EMC7: variants seen among roughly 807,000 people sequenced by gnomAD.
The protein encoded by EMC7 is endoplasmic reticulum membrane protein complex subunit 7.
In EMC7, 4 loss-of-function variants were observed where a neutral mutation model predicts 24.4. That is an observed-to-expected ratio of 0.16 (90% CI 0.08 to 0.38). The LOEUF (loss-of-function observed/expected upper bound fraction) is 0.38, where lower values mean the gene tolerates loss of function less well. EMC7 is among the 10% of genes least tolerant of loss of function. The pLI, the probability that EMC7 is intolerant of heterozygous loss-of-function variation, is 1.00. For synonymous variants in EMC7, 106 were observed against 112.0 expected, an observed-to-expected ratio of 0.95 and a Z score of 0.34; for missense variants, 221 against 300.6, an observed-to-expected ratio of 0.74 and a Z score of 1.96.
At chr15:34,092,603 C>T (rs528153315) in intron 2 of EMC7, among the ~76,000 whole-genome samples, 1 of 152,248 alleles carries the variant, frequency 6.6e-6, no homozygotes, top group East Asian at 1.9e-4. Context: ...GCCTCGGCCT[C>T]CCAAAGTGCT....
rs1389826488 is a variant in EMC7 at position 34,084,472 on chromosome 15, T to C, written c.591A>G (p.Ser197=). 1 of 1,612,646 alleles carries C rather than the reference T, an allele frequency of 6.2e-7. No homozygotes were observed. The highest frequency in any genetic ancestry group is 8.5e-7 in the Non-Finnish European group (1 of 1,178,918). The change falls in exon 5 of 5, where the codon TCA becomes TCG. Residue 197 remains serine, a synonymous_variant. Transcript: ENST00000256545. The stretch of plus-strand genomic sequence containing the variant: ...CATGGTTGGAATTCAGCATATTCAT[T>C]GACTGCTCCATTTCCTGCAAGAAGA... ...DPDMRREMEQ[S]MNMLNSNHEL...
At chr15:34,090,694 T>C (rs2140868676) in intron 2 of EMC7, among the ~76,000 whole-genome samples, 1 of 152,352 alleles carries the variant, frequency 6.6e-6, no homozygotes, top group Middle Eastern at 3.4e-3. Flanking sequence ...GCTGCAGCTC[T>C]GTCATTACCT....
intron 2 of EMC7, among the ~76,000 whole-genome samples, chr15:34,092,293 A>ACACACACACACACACACAC (rs1555523196): frequency 3.3e-5 from 5 of 151,652 alleles, no homozygotes; most frequent in South Asian, 2.1e-4. Context: ...ACACACACAC[A>ACACACACACACACACACAC]AAGAATTAGG....
chr15:34,093,391 C>A (rs1597405142), intron 2 of EMC7, among the ~76,000 whole-genome samples: 1 of 151,014 alleles, frequency 6.6e-6, no homozygotes, highest in Non-Finnish European at 1.5e-5. Flanking sequence ...GAGCCGAGAT[C>A]ACGCCACTGC....
chr15:34,100,965 T>C (rs758472431), intron 1 of EMC7: 1 of 151,310 alleles, frequency 6.6e-6, no homozygotes, highest in Non-Finnish European at 1.5e-5. Flanking sequence ...AGAGGAACCC[T>C]AGTCTCACAT....
At chr15:34,085,841 T>TA (rs1900873898) in intron 4 of EMC7, 1 of 151,108 alleles carries the variant, frequency 6.6e-6, no homozygotes, top group African/African-American at 2.4e-5. Context: ...GCTCCCCTTT[T>TA]TTTTTTTTTT....
chr15:34,087,310 GT>G (rs1900904723), intron 4 of EMC7, among the ~76,000 whole-genome samples: 1 of 152,128 alleles, frequency 6.6e-6, no homozygotes. Flanking sequence ...ATGCATGATG[GT>G]TTTTTGAAAA....
intron 4 of EMC7, among the ~76,000 whole-genome samples, chr15:34,086,596 T>G (rs1204132932): frequency 1.5e-4 from 23 of 152,214 alleles, no homozygotes; most frequent in African/African-American, 5.5e-4. Context: ...GCCCGGCTAA[T>G]TTTTTTGTAT....
intron 1 of EMC7, 45 bp downstream of exon 1, chr15:34,101,559 C>T: frequency 6.3e-7 from 1 of 1,591,756 alleles, no homozygotes; most frequent in Non-Finnish European, 8.6e-7. Context: ...GGTCCCTGTC[C>T]GGCCTCCATC....
intron 2 of EMC7, among the ~76,000 whole-genome samples, chr15:34,094,332 G>A (rs936810462): frequency 2.0e-5 from 3 of 152,018 alleles, no homozygotes; most frequent in Admixed American, 2.0e-4. Flanking sequence ...TCAGGAGTTC[G>A]AGACCAGCCT....
chr15:34,085,366 A>C (rs1900862177), intron 4 of EMC7, among the ~76,000 whole-genome samples: 1 of 152,264 alleles, frequency 6.6e-6, no homozygotes, highest in South Asian at 2.1e-4. Flanking sequence ...ATATAATATT[A>C]ATGTAACATC....
Position 34,090,414 on chromosome 15 carries a change from C to A in EMC7, c.398G>T (p.Arg133Ile). Residue 133 changes from arginine to isoleucine, a missense_variant, in exon 3 of 5, where the codon AGA (arginine) becomes ATA (isoleucine). Coordinates refer to ENST00000256545, the MANE Select transcript of EMC7 (RefSeq NM_020154.3). ...TTTCATTTGGAGAGGATAGGGCAGT[C>A]TGACAACCTCTGATGTTTTGATGTA... ...VNYIKTSEVV[R>I]LPYPLQMKSS... The A allele has an allele frequency of 6.2e-7, 1 of 1,613,788 alleles. No individual in the cohort carries two copies. The highest frequency in any genetic ancestry group is 8.5e-7 in the Non-Finnish European group (1 of 1,179,890).
chr15:34,086,000 G>C, intron 4 of EMC7: 1 of 262,668 alleles, frequency 3.8e-6, no homozygotes, highest in East Asian at 1.0e-4. Context: ...TGTGGTTCTT[G>C]GAGGAAACAC....
Position 34,101,812 on chromosome 15 carries a change from G to A in EMC7, c.28C>T (p.Pro10Ser), listed in dbSNP as rs777438470. The change falls in exon 1 of 5, where the codon CCC (proline) becomes TCC (serine). Residue 10 changes from proline to serine, a missense_variant. Pro to Ser is a moderately conservative substitution (Grantham distance 74, BLOSUM62 -1). Transcript: ENST00000256545. MAAALWGFF[P>S]VLLLLLLSGD... ...GATAGCAGCAGCAGCAGCAGGACGG[G>A]AAAGAAGCCCCACAGAGCGGCCGCC... 6 of 1,610,240 alleles carry A rather than the reference G, an allele frequency of 3.7e-6. No homozygotes were observed. Among genetic ancestry groups the A allele is most frequent in the African/African-American group, 2.7e-5 (2 of 74,868 alleles).
At position 34,101,719 on chromosome 15, in the gene EMC7, T is replaced by C; in HGVS notation, c.121A>G (p.Ile41Val). The change falls in exon 1 of 5, where the codon ATA (isoleucine) becomes GTA (valine). Residue 41 changes from isoleucine (I) to valine (V), a missense_variant. Physicochemically the swap from Ile to Val is conservative, Grantham distance 29 (BLOSUM62 3). Around this residue, in one of 2 missense-constraint regions of EMC7, gnomAD observed 156 missense variants for 177.1 expected, o/e 0.88. Coordinates refer to ENST00000256545, the MANE Select transcript of EMC7 (RefSeq NM_020154.3). ...AEGSGGSGVG[I>V]GDRFKIEGRA... The stretch of plus-strand genomic sequence containing the variant: ...CCCTCAATCTTGAAGCGATCTCCTA[T>C]GCCGACCCCACTCCCTCCCGATCCC... The C allele has an allele frequency of 1.9e-6, 3 of 1,613,742 alleles. No individual in the cohort carries two copies. Among genetic ancestry groups the C allele is most frequent in the Non-Finnish European group, 2.5e-6 (3 of 1,179,954 alleles).
intron 4 of EMC7, chr15:34,086,106 A>G: frequency 2.8e-6 from 1 of 358,574 alleles, no homozygotes; most frequent in Non-Finnish European, 5.3e-6. Flanking sequence ...GCCACTGGGT[A>G]GTAAGTACTT....
chr15:34,091,194 A>G (rs1378978037), intron 2 of EMC7, among the ~76,000 whole-genome samples: 3 of 152,010 alleles, frequency 2.0e-5, no homozygotes, highest in Non-Finnish European at 4.4e-5. Flanking sequence ...TCTTTTTTCA[A>G]ATATCTATAG....
At chr15:34,094,292 A>C (rs1237293264) in intron 2 of EMC7, among the ~76,000 whole-genome samples, 2 of 151,904 alleles carry the variant, frequency 1.3e-5, no homozygotes, top group Non-Finnish European at 2.9e-5. Context: ...CTGTAATCCC[A>C]GGACTTTGGG....
chr15:34,097,039 C>CTTCTTTTTT (rs1555523492), intron 1 of EMC7, among the ~76,000 whole-genome samples: 2 of 97,614 alleles, frequency 2.0e-5, no homozygotes, highest in Non-Finnish European at 3.8e-5. Context: ...TGTTCTTCTT[C>CTTCTTTTTT]TTTTTTTTTT....
Sources: allele counts gnomAD v4.1 joint callset (sites outside exome capture counted in the v4.1 genomes callset), GRCh38; gene constraint gnomAD v4.1.1; regional missense constraint gnomAD v4.1.1; transcripts MANE v1.5; gene names NCBI Gene and HGNC (gene_info 2026-07-23, HGNC 2026-07-21).